The following MPPED1 variants were observed in gnomAD, a reference collection of about 807,000 sequenced individuals.
The protein encoded by MPPED1 is metallophosphoesterase domain-containing protein 1.
A neutral mutation model predicts 36.2 loss-of-function variants in MPPED1; 16 were observed. The observed-to-expected ratio is 0.44, with a 90% CI of 0.30 to 0.67. The LOEUF is 0.67. MPPED1 is among the 30% of genes least tolerant of loss of function. MPPED1 has a pLI of 0.10. For synonymous variants in MPPED1, 199 were observed against 191.3 expected (o/e 1.04, Z -0.33); for missense variants, 307 against 453.4 (o/e 0.68, Z 2.93).
At chr22:43,479,511 G>A (rs943904863) in intron 4 of MPPED1, among the ~76,000 whole-genome samples, 2 of 152,222 alleles carry the variant, frequency 1.3e-5, no homozygotes, top group Non-Finnish European at 2.9e-5. Context: ...CTCCCCCATA[G>A]GCAGGCGCCC....
intron 3 of MPPED1, among the ~76,000 whole-genome samples, chr22:43,451,856 G>C (rs933567919): frequency 1.3e-5 from 2 of 152,064 alleles, no homozygotes; most frequent in African/African-American, 4.8e-5. Flanking sequence ...CCGAGGCTTC[G>C]GGGCAGTTGT....
intron 4 of MPPED1, among the ~76,000 whole-genome samples, chr22:43,495,673 G>A (rs1932286145): frequency 2.7e-5 from 2 of 73,864 alleles, no homozygotes; most frequent in Non-Finnish European, 5.1e-5. Context: ...TGGAGGTGGT[G>A]GTGGTGGAGA....
chr22:43,444,279 GGTGTGTGTGTGTGTGTGTGTGT>G (rs35340638), intron 3 of MPPED1, among the ~76,000 whole-genome samples: 1 of 142,016 alleles, frequency 7.0e-6, no homozygotes, highest in Non-Finnish European at 1.5e-5. Flanking sequence ...GACCCACTGG[GGTGTGTGTGTGTGTGTGTGTGT>G]GTGTGTGTGT....
chr22:43,481,166 T>G (rs1044963480), intron 4 of MPPED1, among the ~76,000 whole-genome samples: 2 of 152,236 alleles, frequency 1.3e-5, no homozygotes, highest in African/African-American at 4.8e-5. Context: ...TTTTGCCTCT[T>G]ATGTTCAGGT....
intron 4 of MPPED1, among the ~76,000 whole-genome samples, chr22:43,483,840 G>C (rs898512571): frequency 1.3e-5 from 2 of 152,206 alleles, no homozygotes; most frequent in East Asian, 3.9e-4. Flanking sequence ...CTTTACGTGA[G>C]TTTCTTGGCT....
chr22:43,464,386 G>A (rs2146872380), intron 3 of MPPED1, among the ~76,000 whole-genome samples: 2 of 151,922 alleles, frequency 1.3e-5, no homozygotes. Flanking sequence ...CTTTGGGCAA[G>A]CCCTATATTG....
chr22:43,470,367 A>G (rs1456567655), intron 3 of MPPED1, among the ~76,000 whole-genome samples: 2 of 151,870 alleles, frequency 1.3e-5, no homozygotes, highest in East Asian at 2.0e-4. Flanking sequence ...ATATCTATCC[A>G]TCTACAAAGC....
chr22:43,503,675 AGAG>A (rs1370761362), intron 6 of MPPED1, among the ~76,000 whole-genome samples: 61 of 152,328 alleles, frequency 4.0e-4, no homozygotes, highest in African/African-American at 1.3e-3. Context: ...CCCTAGGCAC[AGAG>A]GAGTCATCAA....
intron 2 of MPPED1, among the ~76,000 whole-genome samples, chr22:43,426,563 C>A (rs1432607924): frequency 6.6e-6 from 1 of 152,194 alleles, no homozygotes; most frequent in African/African-American, 2.4e-5. Context: ...GTCCCTCGGA[C>A]CACTCGGAGA....
intron 1 of MPPED1, among the ~76,000 whole-genome samples, chr22:43,423,017 A>G (rs970999068): frequency 6.6e-6 from 1 of 151,986 alleles, no homozygotes; most frequent in East Asian, 1.9e-4. Flanking sequence ...TTGTGTTTTT[A>G]GTGGAGAGGG....
intron 3 of MPPED1, among the ~76,000 whole-genome samples, chr22:43,439,047 T>C (rs186680743): frequency 1.8e-4 from 27 of 152,318 alleles, no homozygotes; most frequent in African/African-American, 6.3e-4. Flanking sequence ...TTTAAAAAAT[T>C]AATAAAGACC....
At chr22:43,435,948 C>T (rs556524905) in intron 3 of MPPED1, among the ~76,000 whole-genome samples, 2 of 152,288 alleles carry the variant, frequency 1.3e-5, no homozygotes, top group Non-Finnish European at 2.9e-5. Flanking sequence ...GGTAGGTGCT[C>T]AGCTGGTTCA....
At chr22:43,448,784 G>T (rs765644556) in intron 3 of MPPED1, among the ~76,000 whole-genome samples, 1 of 151,890 alleles carries the variant, frequency 6.6e-6, no homozygotes. Flanking sequence ...TGTATTTTTA[G>T]TAGGGACGGG....
intron 2 of MPPED1, 65 bp downstream of exon 2, chr22:43,425,274 C>G: frequency 1.4e-6 from 2 of 1,474,714 alleles, no homozygotes; most frequent in Non-Finnish European, 1.8e-6. Context: ...TGCATGGTCT[C>G]GGGTGCCTCC....
chr22:43,412,781 C>G (rs1161541903), intron 1 of MPPED1, among the ~76,000 whole-genome samples: 1 of 152,164 alleles, frequency 6.6e-6, no homozygotes, highest in Non-Finnish European at 1.5e-5. Context: ...AGGTCCCAGC[C>G]CTCAAAGGGA....
At chr22:43,418,451 C>A (rs2180154) in intron 1 of MPPED1, 126,442 of 280,248 alleles carry the variant, frequency 0.45, 29,949 homozygotes, top group African/African-American at 0.57. Flanking sequence ...CTTTTGCAAA[C>A]ATTCATCTGC....
intron 3 of MPPED1, among the ~76,000 whole-genome samples, chr22:43,471,204 A>G (rs889709223): frequency 2.0e-5 from 3 of 152,272 alleles, no homozygotes; most frequent in South Asian, 2.1e-4. Flanking sequence ...AGTCAAAGAC[A>G]TGACATAAAT....
At chr22:43,483,206 C>T (rs931166949) in intron 4 of MPPED1, among the ~76,000 whole-genome samples, 6 of 152,362 alleles carry the variant, frequency 3.9e-5, no homozygotes, top group East Asian at 1.9e-4. Context: ...AGAGAAAAAA[C>T]GAGACAGGTT....
At position 43,474,706 on chromosome 22, in the gene MPPED1, C is replaced by T. The variant is rs369507630; in HGVS notation, c.407-30C>T. ...TTCTGGACAAGCTGACGGCTGTGTG[C>T]TGTGTGTCTGTCTGTGTCCACCCCT... is the stretch of plus-strand genomic sequence containing the variant. On this transcript the variant is annotated intron_variant, in intron 3 of 6. Coordinates refer to ENST00000443721, the MANE Select transcript of MPPED1 (RefSeq NM_001044370.2). This position sits in a 1 kb window ranked among gnomAD's most constrained non-coding sequence, Gnocchi z 5.2. 2.3e-5 allele frequency: 37 copies of T among 1,607,926 alleles called. No homozygotes were observed. The highest frequency in any genetic ancestry group is 1.6e-4 in the Middle Eastern group (1 of 6,062).
Sources: gnomAD v4.1 joint callset for allele counts (sites outside exome capture counted in the v4.1 genomes callset) on GRCh38, gnomAD v4.1.1 for gene constraint, Gnocchi (gnomAD v3.1) non-coding constraint, MANE v1.5 for transcripts, NCBI Gene and HGNC (gene_info 2026-07-23, HGNC 2026-07-21) for gene names.